The following GNAL variants were observed in gnomAD, a reference collection of about 807,000 sequenced individuals.
GNAL encodes guanine nucleotide-binding protein G(olf) subunit alpha.
GNAL carries 18 observed loss-of-function variants against 55.1 expected under a neutral mutation model. The observed-to-expected ratio is 0.33, with a 90% CI of 0.23 to 0.48. GNAL has a LOEUF of 0.48. Ranked by LOEUF, GNAL falls within the 20% of genes least tolerant of loss-of-function variation. GNAL has a pLI of 0.99. For synonymous variants in GNAL, 253 were observed against 237.0 expected (o/e 1.07, Z -0.62); for missense variants, 412 against 614.1 (o/e 0.67, Z 3.48).
In GNAL at chr18:11,689,609, G is replaced by C. The variant is rs1009777479; in HGVS notation, c.46G>C (p.Gly16Arg). The C allele has an allele frequency of 5.2e-6, 7 of 1,343,298 alleles. No homozygotes were observed. Among genetic ancestry groups the C allele is most frequent in the Non-Finnish European group, 6.6e-6 (7 of 1,057,640 alleles). The allele number at this position is 1,343,298 out of a possible 1,614,324, so 83.2% of individuals were successfully genotyped here. A position where few individuals can be genotyped will look rare whatever the true frequency, so the allele number is the denominator to read the frequency against. The change falls in exon 1 of 12, where the codon GGG becomes CGG. Residue 16 changes from glycine to arginine, a missense_variant. Gly to Arg is a moderately radical substitution (Grantham distance 125). This residue lies in a region of GNAL where 228 missense variants were observed against 194.8 expected (regional missense o/e 1.17). Transcript: ENST00000334049. ...SLRPLLFGGP[G>R]DDPCAASEPP... Reference sequence around the variant, plus strand: ...GCGGCCGCTGCTTTTCGGGGGCCCAGGGGACGACCCCTGCGCGGCCTCGGA... The same window carrying C: ...GCGGCCGCTGCTTTTCGGGGGCCCACGGGACGACCCCTGCGCGGCCTCGGA...
chr18:11,770,769 T>C lies in GNAL; in HGVS notation c.624+16824T>C, dbSNP rs983120012. Among the ~76,000 whole-genome samples, 4 of 152,232 alleles carry C rather than the reference T, an allele frequency of 2.6e-5. No homozygotes were observed. The East Asian group carries it at 7.7e-4, about 29-fold the overall frequency. On this transcript the variant is annotated intron_variant, in intron 4 of 11. Transcript: ENST00000334049. The stretch of plus-strand genomic sequence containing the variant: ...ATATTATGTAAGTGTTCTAATACTT[T>C]ACATATTGAATGAAGATATATCATT...
rs374120765 is a variant in GNAL at position 11,725,776 on chromosome 18, A to G, written c.377-27077A>G. 5.3e-5 allele frequency among the ~76,000 whole-genome samples: 8 copies of G among 152,330 alleles called. No individual in the cohort carries two copies. The East Asian group carries it at 1.2e-3, about 22-fold the overall frequency. On this transcript the variant is annotated intron_variant, in intron 1 of 11. Transcript: ENST00000334049. ...TTGTGTGGATGTAAGTTCTCAACTC[A>G]TTTGGGTAAATACCAAGGAGTGTGA...
intron 1 of GNAL, among the ~76,000 whole-genome samples, chr18:11,695,964 A>AG (rs1462778564): frequency 4.6e-5 from 7 of 152,308 alleles, no homozygotes; most frequent in African/African-American, 1.2e-4. Flanking sequence ...AGGAAAAAAA[A>AG]CAGAAGGAAT....
At chr18:11,740,121 G>A (rs1453114238) in intron 1 of GNAL, among the ~76,000 whole-genome samples, 1 of 151,762 alleles carries the variant, frequency 6.6e-6, no homozygotes, top group African/African-American at 2.4e-5. Context: ...TGTTGGCAGG[G>A]ACACCTGACA....
At chr18:11,857,164 G>C (rs377763108) in intron 5 of GNAL, 15 of 152,230 alleles carry the variant, frequency 9.9e-5, no homozygotes, top group African/African-American at 3.4e-4. Flanking sequence ...CTTAAGATCA[G>C]GACTGTTTAC....
At chr18:11,725,152 A>T (rs2143418021) in intron 1 of GNAL, among the ~76,000 whole-genome samples, 1 of 152,296 alleles carries the variant, frequency 6.6e-6, no homozygotes, top group Admixed American at 6.5e-5. Flanking sequence ...CCTCCCACAA[A>T]ATCATATATT....
intron 4 of GNAL, among the ~76,000 whole-genome samples, chr18:11,763,499 A>G (rs1442137918): frequency 6.6e-6 from 1 of 151,772 alleles, no homozygotes; most frequent in Non-Finnish European, 1.5e-5. Context: ...GCAGCCTCCC[A>G]AGTAGCTGGG....
In GNAL at chr18:11,883,309, A is replaced by AAAG; in HGVS notation, c.*2175_*2177dup. Reference sequence around the variant, plus strand: ...TATTTTCAGTTCCCCTTGCACTGTCAAAGTAAAACAAGAAAACTGAAAAGC... The same window carrying AAAG: ...TATTTTCAGTTCCCCTTGCACTGTCAAAGAAGTAAAACAAGAAAACTGAAAAGC... On this transcript the variant is annotated 3_prime_UTR_variant, in exon 12 of 12. Transcript: ENST00000334049. 1 of 152,616 alleles carries AAAG rather than the reference A, an allele frequency of 6.6e-6. No individual in the cohort carries two copies. Among genetic ancestry groups the AAAG allele is most frequent in the Admixed American group, 6.5e-5 (1 of 15,306 alleles). 9.5% of individuals were successfully genotyped at this position (152,616 alleles called of 1,614,324 possible).
intron 1 of GNAL, among the ~76,000 whole-genome samples, chr18:11,732,246 A>C (rs528612356): frequency 6.6e-6 from 1 of 152,332 alleles, no homozygotes; most frequent in South Asian, 2.1e-4. Flanking sequence ...TTTTAAGAAA[A>C]ACGTAAACAG....
intron 5 of GNAL, 150 bp from the exon 6 acceptor site, chr18:11,862,245 C>G (rs1567898688): frequency 1.7e-6 from 1 of 585,514 alleles, no homozygotes; most frequent in African/African-American, 1.9e-5. Flanking sequence ...TAGACAGATA[C>G]AAATTCAGGA....
intron 5 of GNAL, among the ~76,000 whole-genome samples, chr18:11,827,107 C>T (rs370138507): frequency 1.2e-4 from 19 of 152,268 alleles, no homozygotes; most frequent in Admixed American, 3.9e-4. Flanking sequence ...ACTTAACCTC[C>T]TTCTTACCTT....
intron 4 of GNAL, among the ~76,000 whole-genome samples, chr18:11,802,224 T>C (rs1225347422): frequency 6.6e-6 from 1 of 152,166 alleles, no homozygotes; most frequent in Non-Finnish European, 1.5e-5. Flanking sequence ...TATTTTGTTG[T>C]TTGGCCCTAA....
rs556614527 is a variant in GNAL at position 11,862,159 on chromosome 18, G to A, written c.723-236G>A. On this transcript the variant is annotated intron_variant, in intron 5 of 11. Coordinates refer to ENST00000334049, the MANE Select transcript of GNAL (RefSeq NM_182978.4). ...CGCTGTGGCAGTGGAGAAGAGAGGG[G>A]AGAGAAGGCAACATTAAAAAAAAGA... Among the ~76,000 whole-genome samples the A allele has an allele frequency of 3.3e-5, 5 of 152,054 alleles. No homozygotes were observed. In the South Asian group the frequency reaches 8.3e-4, roughly 25 times the overall value.
At chr18:11,769,895 C>T (rs564887662) in intron 4 of GNAL, among the ~76,000 whole-genome samples, 2 of 152,186 alleles carry the variant, frequency 1.3e-5, no homozygotes, top group South Asian at 4.1e-4. Flanking sequence ...GCACAAAATA[C>T]GTAAATGATG....
intron 4 of GNAL, among the ~76,000 whole-genome samples, chr18:11,770,339 CTGAAAAGAA>C (rs1201132991): frequency 6.6e-6 from 1 of 152,102 alleles, no homozygotes; most frequent in Non-Finnish European, 1.5e-5. Context: ...TCAGAAACAT[CTGAAAAGAA>C]TGATATTTTC....
At chr18:11,819,825 G>A (rs1256619381) in intron 4 of GNAL, among the ~76,000 whole-genome samples, 34 of 151,758 alleles carry the variant, frequency 2.2e-4, no homozygotes, top group Admixed American at 2.2e-3. Flanking sequence ...AAATGTATGA[G>A]ATCTATAGGG....
At chr18:11,840,492 T>G (rs775393518) in intron 5 of GNAL, among the ~76,000 whole-genome samples, 15 of 152,206 alleles carry the variant, frequency 9.9e-5, no homozygotes. Flanking sequence ...TCAGCAGAGG[T>G]GAACACTGAT....
At chr18:11,741,877 A>G (rs2032583214) in intron 1 of GNAL, among the ~76,000 whole-genome samples, 3 of 152,260 alleles carry the variant, frequency 2.0e-5, no homozygotes, top group Admixed American at 6.5e-5. Context: ...TATATGCAAT[A>G]TAAAATGTAC....
chr18:11,797,928 GGAGA>G, intron 4 of GNAL, among the ~76,000 whole-genome samples: 1 of 152,198 alleles, frequency 6.6e-6, no homozygotes, highest in East Asian at 1.9e-4. Flanking sequence ...ACATACAGTT[GGAGA>G]GAGAGAGGGT....
Sources: allele counts gnomAD v4.1 joint callset (sites outside exome capture counted in the v4.1 genomes callset), GRCh38; gene constraint gnomAD v4.1.1; regional missense constraint gnomAD v4.1.1; transcripts MANE v1.5; gene names NCBI Gene and HGNC (gene_info 2026-07-23, HGNC 2026-07-21).